Variants in CDKL2 observed in about 807,000 individuals in gnomAD.
CDKL2 encodes cyclin dependent kinase like 2.
Under a neutral mutation model 63.9 loss-of-function variants are expected in CDKL2, and 64 were observed. The observed-to-expected ratio is 1.00, with a 90% confidence interval of 0.82 to 1.23. The LOEUF (loss-of-function observed/expected upper bound fraction) is 1.23, where lower values mean the gene tolerates loss of function less well. Among genes scored for constraint, CDKL2 ranks in the 50% most tolerant of loss-of-function variants. The pLI, the probability that CDKL2 is intolerant of heterozygous loss-of-function variation, is 0.00. For missense variants in CDKL2, 656 were observed against 668.0 expected (o/e 0.98, Z 0.20); for synonymous variants, 211 against 229.2 (o/e 0.92, Z 0.72).
chr4:75,590,244 T>C (rs1462953187), intron 12 of CDKL2, among the ~76,000 whole-genome samples: 2 of 152,216 alleles, frequency 1.3e-5, no homozygotes, highest in African/African-American at 4.8e-5. Flanking sequence ...GTGACAGTGA[T>C]TATCTCTTCA....
intron 3 of CDKL2, among the ~76,000 whole-genome samples, chr4:75,613,137 A>AT (rs1311859983): frequency 6.6e-6 from 1 of 151,930 alleles, no homozygotes; most frequent in Admixed American, 6.6e-5. Context: ...AAAAAAATAG[A>AT]TTTTCTGAGC....
intron 2 of CDKL2, among the ~76,000 whole-genome samples, chr4:75,625,118 GAAC>G (rs1730341767): frequency 6.6e-6 from 1 of 152,078 alleles, no homozygotes; most frequent in Admixed American, 6.5e-5. Flanking sequence ...TGGAAGATTT[GAAC>G]AACACAATTA....
chr4:75,594,245 C>T (rs1008535623), intron 10 of CDKL2, among the ~76,000 whole-genome samples: 17 of 151,950 alleles, frequency 1.1e-4, no homozygotes, highest in South Asian at 2.1e-4. Flanking sequence ...GTCAGGAGTT[C>T]GAAACCAGCC....
At chr4:75,626,476 C>G (rs1364283150) in intron 1 of CDKL2, among the ~76,000 whole-genome samples, 1 of 152,076 alleles carries the variant, frequency 6.6e-6, no homozygotes, top group Non-Finnish European at 1.5e-5. Flanking sequence ...ACCATCCTGG[C>G]TAACACGGTG....
At position 75,581,972 on chromosome 4, in the gene CDKL2, A is replaced by G. The variant is rs1453870378; in HGVS notation, c.1648-74T>C. On this transcript the variant is annotated intron_variant, in intron 12 of 13. Coordinates refer to ENST00000307465, the MANE Select transcript of CDKL2 (RefSeq NM_001330724.2). ...TCCACTTCCCCAAAATTTCAATTCT[A>G]TTTGTTCAAATATTAGATGTTTATA... 1.7e-5 allele frequency: 16 copies of G among 926,474 alleles called. No homozygotes were observed. The Admixed American group carries it at 2.7e-4, about 15-fold the overall frequency. 57.4% of individuals were successfully genotyped at this position (926,474 alleles called of 1,614,324 possible).
At chr4:75,619,449 T>C (rs1241806879) in intron 2 of CDKL2, among the ~76,000 whole-genome samples, 1 of 151,712 alleles carries the variant, frequency 6.6e-6, no homozygotes, top group African/African-American at 2.4e-5. Context: ...AGGCCAGAGA[T>C]GGTTTGTAGA....
At position 75,579,164 on chromosome 4, in the gene CDKL2, G is replaced by A. The variant is rs891490773; in HGVS notation, c.*38C>T. ...TTGCTGCAAGAAGATGTCATCTCAAGTGCAAGAGCATCATCTAAAAGCACA... is the reference window on the plus strand; with the variant it reads ...TTGCTGCAAGAAGATGTCATCTCAAATGCAAGAGCATCATCTAAAAGCACA... On this transcript the variant is annotated 3_prime_UTR_variant, in exon 14 of 14. Transcript: ENST00000307465. The A allele has an allele frequency of 2.0e-5, 3 of 152,316 alleles. No homozygotes were observed. In the South Asian group the frequency reaches 6.2e-4, roughly 32 times the overall value. 9.4% of individuals were successfully genotyped at this position (152,316 alleles called of 1,614,324 possible).
At chr4:75,586,294 T>C (rs1474961208) in intron 12 of CDKL2, among the ~76,000 whole-genome samples, 9 of 151,784 alleles carry the variant, frequency 5.9e-5, no homozygotes, top group Non-Finnish European at 8.8e-5. Flanking sequence ...GGCACCATCT[T>C]GGCTCACTGC....
intron 12 of CDKL2, among the ~76,000 whole-genome samples, chr4:75,587,502 G>A (rs977405780): frequency 6.6e-6 from 1 of 151,998 alleles, no homozygotes; most frequent in South Asian, 2.1e-4. Flanking sequence ...TATGAACAAC[G>A]TCATGCCAAC....
chr4:75,588,032 T>G (rs1476920640), intron 12 of CDKL2, among the ~76,000 whole-genome samples: 1 of 151,336 alleles, frequency 6.6e-6, no homozygotes, highest in African/African-American at 2.4e-5. Context: ...CTGACCAACA[T>G]GGAGAAACAC....
In CDKL2 at chr4:75,585,612, T is replaced by C. The variant is rs1484392850; in HGVS notation, c.1648-3714A>G. Among the ~76,000 whole-genome samples, 3 of 151,442 alleles carry C rather than the reference T, an allele frequency of 2.0e-5. No homozygotes were observed. The East Asian group carries it at 5.8e-4, about 29-fold the overall frequency. ...CATTTCTAAAAAAATAATAATAAAA[T>C]ACATGAAGCAAAAATAAATAGATAC... is the stretch of plus-strand genomic sequence containing the variant. On this transcript the variant is annotated intron_variant, in intron 12 of 13. Transcript: ENST00000307465.
chr4:75,619,692 A>G (rs1349045999), intron 2 of CDKL2, among the ~76,000 whole-genome samples: 1 of 152,058 alleles, frequency 6.6e-6, no homozygotes, highest in East Asian at 1.9e-4. Context: ...AAAACCTAAA[A>G]TCAAATCAGC....
Position 75,625,960 on chromosome 4 carries a change from A to G in CDKL2, c.29T>C (p.Val10Ala), listed in dbSNP as rs1286224359. 1.2e-6 allele frequency: 2 copies of G among 1,609,038 alleles called. No individual in the cohort carries two copies. Among genetic ancestry groups the G allele is most frequent in the East Asian group, 2.2e-5 (1 of 44,710 alleles). Residue 10 changes from valine to alanine, a missense_variant, in exon 2 of 14, where the codon GTT becomes GCT. Coordinates refer to ENST00000307465, the MANE Select transcript of CDKL2 (RefSeq NM_001330724.2). ...CACCATTCCATAACTCCCTTCTCCA[A>G]CCAAACCCAGGTTTTCATATTTTTC... Reference protein sequence around the residue: MEKYENLGLVGEGSYGMVMK... With the variant: MEKYENLGLAGEGSYGMVMK...
At chr4:75,590,770 GAAC>G (rs1220685320) in intron 12 of CDKL2, among the ~76,000 whole-genome samples, 1 of 152,114 alleles carries the variant, frequency 6.6e-6, no homozygotes, top group Non-Finnish European at 1.5e-5. Context: ...CGTGGATAAA[GAAC>G]AACATACAGG....
intron 1 of CDKL2, among the ~76,000 whole-genome samples, chr4:75,628,194 C>A (rs554463853): frequency 2.0e-5 from 3 of 151,080 alleles, no homozygotes; most frequent in Admixed American, 1.3e-4. Flanking sequence ...TGGCTCACTG[C>A]AAACTCCGCC....
At position 75,577,773 on chromosome 4, in the gene CDKL2, T is replaced by C. The variant is rs1407688328; in HGVS notation, c.*1429A>G. ...ACAGATTAAAAGTAGAGCTTTTAAA[T>C]CAAGACCAATTTTAATTTAACCACC... On this transcript the variant is annotated 3_prime_UTR_variant, in exon 14 of 14. Transcript: ENST00000307465. 6.6e-6 allele frequency among the ~76,000 whole-genome samples: 1 copy of C among 152,180 alleles called. No homozygotes were observed.
At chr4:75,594,271 A>T (rs1345920898) in intron 10 of CDKL2, among the ~76,000 whole-genome samples, 10 of 152,100 alleles carry the variant, frequency 6.6e-5, no homozygotes, top group South Asian at 4.2e-4. Flanking sequence ...GACATGGAGA[A>T]ACCCCGCCTC....
At chr4:75,584,633 C>T (rs1728393889) in intron 12 of CDKL2, among the ~76,000 whole-genome samples, 1 of 152,082 alleles carries the variant, frequency 6.6e-6, no homozygotes, top group Non-Finnish European at 1.5e-5. Flanking sequence ...TGCCTGAAAC[C>T]TCAGATAGTA....
chr4:75,607,353 G>T lies in CDKL2; in HGVS notation c.372C>A (p.His124Gln), dbSNP rs778724792. The T allele has an allele frequency of 2.5e-6, 4 of 1,612,312 alleles. No individual in the cohort carries two copies. Among genetic ancestry groups the T allele is most frequent in the Non-Finnish European group, 3.4e-6 (4 of 1,178,884 alleles). ...ATATATTCTCTGGCTTTATATCTCT[G>T]TGTATGATCTAGACAAGAAGCAGAG... ...IGFCHSHNII[H>Q]RDIKPENILV... The change falls in exon 4 of 14, where the codon CAC becomes CAA. Residue 124 changes from histidine (H) to glutamine (Q), a missense_variant. Coordinates refer to ENST00000307465, the MANE Select transcript of CDKL2 (RefSeq NM_001330724.2).
Sources: allele counts gnomAD v4.1 joint callset (sites outside exome capture counted in the v4.1 genomes callset), GRCh38; gene constraint gnomAD v4.1.1; transcripts MANE v1.5; gene names NCBI Gene and HGNC (gene_info 2026-07-23, HGNC 2026-07-21).